NR2C2: variants seen among roughly 807,000 people sequenced by gnomAD.
The protein encoded by NR2C2 is nuclear receptor subfamily 2 group C member 2.
NR2C2 carries 6 observed loss-of-function variants against 62.9 expected under a neutral mutation model. The ratio of observed to expected loss-of-function variants is 0.10; its 90% CI spans 0.05 to 0.19. NR2C2 has a LOEUF of 0.19. Ranked by LOEUF, NR2C2 falls within the 10% of genes least tolerant of loss-of-function variation. NR2C2 has a pLI of 1.00. For synonymous variants in NR2C2, 272 were observed against 273.8 expected (o/e 0.99, Z 0.07); for missense variants, 479 against 762.7 (o/e 0.63, Z 4.38).
intron 4 of NR2C2, among the ~76,000 whole-genome samples, chr3:15,019,697 A>T (rs899693768): frequency 1.3e-5 from 2 of 148,462 alleles, no homozygotes; most frequent in Admixed American, 6.7e-5. Context: ...TGGAATCCTT[A>T]AAAAAAAAAA....
At chr3:15,023,451 G>T (rs1394289526) in intron 6 of NR2C2, 104 bp downstream of exon 6, 3 of 1,327,154 alleles carry the variant, frequency 2.3e-6, no homozygotes, top group Non-Finnish European at 3.2e-6. Flanking sequence ...ATCTGCCATA[G>T]CCTCCAGCGT....
At chr3:14,981,582 G>A (rs1469250417) in intron 1 of NR2C2, among the ~76,000 whole-genome samples, 1 of 135,880 alleles carries the variant, frequency 7.4e-6, no homozygotes, top group Non-Finnish European at 1.5e-5. Context: ...CATCCTGGGC[G>A]ACAGAGCGAG....
intron 1 of NR2C2, among the ~76,000 whole-genome samples, chr3:14,977,119 T>G (rs1365472547): frequency 6.6e-6 from 1 of 152,160 alleles, no homozygotes; most frequent in Non-Finnish European, 1.5e-5. Context: ...GGATTTTGGG[T>G]CTCTTGAACT....
At chr3:14,989,369 G>A (rs532150385) in intron 1 of NR2C2, among the ~76,000 whole-genome samples, 3 of 152,144 alleles carry the variant, frequency 2.0e-5, no homozygotes, top group African/African-American at 4.8e-5. Flanking sequence ...TCATGTGCCC[G>A]GTGCGTGTTG....
intron 1 of NR2C2, chr3:14,959,775 C>T (rs1056988543): frequency 1.4e-4 from 22 of 152,068 alleles, no homozygotes; most frequent in Admixed American, 1.3e-3. Flanking sequence ...GCAAGACTTA[C>T]GCTAACACTG....
rs200386835 is a variant in NR2C2 at position 14,998,875 on chromosome 3, G to A, written c.-39-5001G>A. Among the ~76,000 whole-genome samples the A allele has an allele frequency of 6.6e-5, 10 of 152,158 alleles. No individual in the cohort carries two copies. The East Asian group carries it at 7.8e-4, about 12-fold the overall frequency. On this transcript the variant is annotated intron_variant, in intron 1 of 13. Transcript: ENST00000425241. ...AAATATTTAAAATTAGGTGGCGCAC[G>A]CCCATAGTCCCAGTTACATGGGGGG... is the stretch of plus-strand genomic sequence containing the variant.
chr3:15,021,100 C>T (rs910504758), intron 5 of NR2C2, among the ~76,000 whole-genome samples, 168 bp downstream of exon 5: 3 of 152,174 alleles, frequency 2.0e-5, no homozygotes, highest in African/African-American at 4.8e-5. Flanking sequence ...TGAGAGCCAA[C>T]GCTGCAGGGG....
intron 1 of NR2C2, among the ~76,000 whole-genome samples, chr3:14,976,723 G>A (rs1044954720): frequency 3.4e-5 from 5 of 148,320 alleles, no homozygotes; most frequent in Non-Finnish European, 5.9e-5. Context: ...TACATTACAT[G>A]GCTAATTGAT....
intron 3 of NR2C2, among the ~76,000 whole-genome samples, chr3:15,015,736 A>C (rs1322217077): frequency 6.6e-6 from 1 of 152,180 alleles, no homozygotes; most frequent in Non-Finnish European, 1.5e-5. Flanking sequence ...TTCTGTCCAG[A>C]GTTCTGCTTA....
intron 1 of NR2C2, among the ~76,000 whole-genome samples, chr3:14,958,632 A>G (rs368458147): frequency 6.6e-6 from 1 of 152,286 alleles, no homozygotes; most frequent in African/African-American, 2.4e-5. Context: ...TAAAAGCTTT[A>G]TTTCTTTTCT....
intron 1 of NR2C2, among the ~76,000 whole-genome samples, chr3:14,991,961 G>A (rs1215759564): frequency 1.3e-5 from 2 of 151,566 alleles, no homozygotes; most frequent in Admixed American, 6.6e-5. Context: ...AGTAGGGATG[G>A]GGTCTTGCAA....
At chr3:15,035,272 T>C (rs1051251953) in intron 11 of NR2C2, among the ~76,000 whole-genome samples, 2 of 152,202 alleles carry the variant, frequency 1.3e-5, no homozygotes, top group Non-Finnish European at 2.9e-5. Flanking sequence ...TCCTGGGTAA[T>C]AGAGCAAGAT....
chr3:14,964,446 C>T (rs1306996468), intron 1 of NR2C2, among the ~76,000 whole-genome samples: 2 of 152,008 alleles, frequency 1.3e-5, no homozygotes, highest in East Asian at 1.9e-4. Flanking sequence ...TTTCTTACTG[C>T]GTAGTTTATT....
At chr3:14,972,713 C>T (rs1360081947) in intron 1 of NR2C2, among the ~76,000 whole-genome samples, 1 of 152,100 alleles carries the variant, frequency 6.6e-6, no homozygotes, top group Non-Finnish European at 1.5e-5. Context: ...GCTCACGGTT[C>T]CACAGGCTGT....
At chr3:15,007,433 C>T (rs2041216519) in intron 2 of NR2C2, among the ~76,000 whole-genome samples, 1 of 152,170 alleles carries the variant, frequency 6.6e-6, no homozygotes, top group Non-Finnish European at 1.5e-5. Flanking sequence ...AGCCCCCTGA[C>T]CTCTCTTTTT....
chr3:14,965,549 A>G (rs549524622), intron 1 of NR2C2, among the ~76,000 whole-genome samples: 1 of 142,918 alleles, frequency 7.0e-6, no homozygotes, highest in Admixed American at 7.0e-5. Flanking sequence ...AAAAAAAAGC[A>G]TTTTTAGAGA....
intron 1 of NR2C2, among the ~76,000 whole-genome samples, chr3:14,998,586 C>T (rs1443701252): frequency 6.6e-6 from 1 of 152,082 alleles, no homozygotes; most frequent in Non-Finnish European, 1.5e-5. Flanking sequence ...CTGTTTAACT[C>T]TTTGCTCATT....
chr3:15,035,871 AC>A (rs2042089476), intron 11 of NR2C2, among the ~76,000 whole-genome samples: 1 of 152,256 alleles, frequency 6.6e-6, no homozygotes, highest in Non-Finnish European at 1.5e-5. Flanking sequence ...TACTAAAAAT[AC>A]AAAAAATTAG....
At chr3:15,017,662 G>C (rs951547325) in intron 4 of NR2C2, among the ~76,000 whole-genome samples, 2 of 152,124 alleles carry the variant, frequency 1.3e-5, no homozygotes, top group African/African-American at 4.8e-5. Context: ...GTCACTCAAA[G>C]GGATAGAGAA....
Sources: gnomAD v4.1 joint callset for allele counts (sites outside exome capture counted in the v4.1 genomes callset) on GRCh38, gnomAD v4.1.1 for gene constraint, MANE v1.5 for transcripts, NCBI Gene and HGNC (gene_info 2026-07-23, HGNC 2026-07-21) for gene names.